IRAG2: variants seen among roughly 807,000 people sequenced by gnomAD.
IRAG2 encodes the protein lymphoid restricted membrane protein.
Under a neutral mutation model 69.9 loss-of-function variants are expected in IRAG2, and 45 were observed. That is an observed-to-expected ratio of 0.64 (90% CI 0.51 to 0.83). The LOEUF (loss-of-function observed/expected upper bound fraction) is 0.83. IRAG2 is among the 40% of genes least tolerant of loss of function. The probability of loss-of-function intolerance (pLI) is 0.00; values close to 1 mark genes in which losing one functional copy is unlikely to be tolerated. For missense variants in IRAG2, 520 were observed against 587.0 expected (o/e 0.89, Z 1.18); for synonymous variants, 193 against 202.4 (o/e 0.95, Z 0.40).
intron 14 of IRAG2, among the ~76,000 whole-genome samples, chr12:25,036,098 C>A (rs1944700083): frequency 1.3e-5 from 2 of 152,082 alleles, no homozygotes; most frequent in South Asian, 2.1e-4. Context: ...TTTAAATTTT[C>A]TTCTGGTTAA....
intron 7 of IRAG2, among the ~76,000 whole-genome samples, chr12:25,023,083 A>G (rs1944594834): frequency 6.7e-6 from 1 of 150,368 alleles, no homozygotes. Flanking sequence ...CCGAGATCGC[A>G]CTATTGTACC....
intron 9 of IRAG2, among the ~76,000 whole-genome samples, chr12:25,082,034 A>T (rs758963948): frequency 3.3e-5 from 5 of 152,118 alleles, no homozygotes; most frequent in Non-Finnish European, 5.9e-5. Context: ...AGTTGGGACT[A>T]CGGGTGCAAG....
At position 25,061,622 on chromosome 12, in the gene IRAG2, T is replaced by C. The variant is rs1379744838; in HGVS notation, c.-416T>C. 15 of 398,602 alleles carry C rather than the reference T, an allele frequency of 3.8e-5. No individual in the cohort carries two copies. The highest frequency in any genetic ancestry group is 6.2e-5 in the Non-Finnish European group (14 of 226,038). 24.7% of individuals were successfully genotyped at this position (398,602 alleles called of 1,614,324 possible). A position where few individuals can be genotyped will look rare whatever the true frequency, so the allele number is the denominator to read the frequency against. ...ATTGAGTCACTTCAAAAGGAGTTCA[T>C]TGAAGGGGAACACCATGGCTTGCTG... is the stretch of plus-strand genomic sequence containing the variant. On this transcript the variant is annotated 5_prime_UTR_variant, in exon 2 of 22. Transcript: ENST00000556887.
chr12:25,013,405 G>T (rs1483913892), intron 3 of IRAG2, among the ~76,000 whole-genome samples: 2 of 152,178 alleles, frequency 1.3e-5, no homozygotes, highest in Admixed American at 1.3e-4. Flanking sequence ...TTGAGCCCAG[G>T]AGTTTGAGGC....
At chr12:25,054,800 A>T (rs570342075) in intron 1 of IRAG2, among the ~76,000 whole-genome samples, 1 of 152,214 alleles carries the variant, frequency 6.6e-6, no homozygotes, top group South Asian at 2.1e-4. Context: ...CTTTCTAACA[A>T]TGCCCTTTAA....
chr12:25,060,964 G>C (rs887813639), intron 1 of IRAG2, among the ~76,000 whole-genome samples: 15 of 151,934 alleles, frequency 9.9e-5, no homozygotes, highest in African/African-American at 3.6e-4. Flanking sequence ...CACTGCACCA[G>C]GCCTAAGATG....
chr12:25,028,172 G>A (rs1368617898), intron 9 of IRAG2, among the ~76,000 whole-genome samples: 4 of 152,090 alleles, frequency 2.6e-5, no homozygotes, highest in South Asian at 2.1e-4. Context: ...TGATCTGCCC[G>A]CCTCAGCCTC....
chr12:25,089,614 ACT>A lies in IRAG2; in HGVS notation c.377_378del (p.Ser126CysfsTer14). Reference sequence around the variant, plus strand: ...ATAATATTTTATTATATTTTAATAGACTCTGTGGTTTCCCCTCTTCCTGTAAC... The same window carrying A: ...ATAATATTTTATTATATTTTAATAGACTGTGGTTTCCCCTCTTCCTGTAAC... On this transcript the variant is annotated frameshift_variant and splice_region_variant, in exon 12 of 22. Transcript: ENST00000556887. LOFTEE classifies it high-confidence loss of function. 6.4e-7 allele frequency: 1 copy of A among 1,570,736 alleles called. No homozygotes were observed. The highest frequency in any genetic ancestry group is 2.2e-5 in the East Asian group (1 of 44,602).
At chr12:25,025,464 A>AG (rs1565528866) in intron 8 of IRAG2, among the ~76,000 whole-genome samples, 1 of 152,252 alleles carries the variant, frequency 6.6e-6, no homozygotes. Flanking sequence ...TCCAGACACA[A>AG]GGGGCTTACA....
chr12:25,021,282 A>G (rs1363953506), intron 7 of IRAG2, among the ~76,000 whole-genome samples: 5 of 151,068 alleles, frequency 3.3e-5, no homozygotes, highest in Admixed American at 2.6e-4. Flanking sequence ...CTTTTCAATC[A>G]AGATTTAAAT....
At chr12:25,045,404 A>T (rs1944785085) in intron 16 of IRAG2, among the ~76,000 whole-genome samples, 1 of 152,098 alleles carries the variant, frequency 6.6e-6, no homozygotes, top group Admixed American at 6.5e-5. Context: ...TAAAAATTAG[A>T]GCAAAAAGTT....
At chr12:25,022,793 T>C (rs1387863559) in intron 7 of IRAG2, among the ~76,000 whole-genome samples, 1 of 152,244 alleles carries the variant, frequency 6.6e-6, no homozygotes, top group Non-Finnish European at 1.5e-5. Flanking sequence ...TTATACATGG[T>C]AAAAGCACAT....
chr12:25,021,101 TTTTC>T, intron 7 of IRAG2: 7 of 330,302 alleles, frequency 2.1e-5, no homozygotes, highest in Middle Eastern at 7.9e-4. Flanking sequence ...CTTTTTTTTT[TTTTC>T]TTTTTTTCTT....
chr12:25,047,925 C>T (rs1003948954), upstream of IRAG2, among the ~76,000 whole-genome samples: 16 of 152,178 alleles, frequency 1.1e-4, no homozygotes, highest in Non-Finnish European at 2.2e-4. Context: ...TGAACATACG[C>T]TTGCATGTAT....
At position 25,077,266 on chromosome 12, in the gene IRAG2, A is replaced by AATATATATGATAT. The variant is rs1565562770; in HGVS notation, c.25-1968_25-1967insTATATATATATGA. Among the ~76,000 whole-genome samples, 2 of 32,866 alleles carry AATATATATGATAT rather than the reference A, an allele frequency of 6.1e-5. 1 individual carries two copies. The highest frequency in any genetic ancestry group is 2.0e-4 in the African/African-American group (2 of 10,076). The allele number at this position is 32,866 out of a possible 152,430, so 21.6% of individuals were successfully genotyped here. A position where few individuals can be genotyped will look rare whatever the true frequency, so the allele number is the denominator to read the frequency against. Reference sequence around the variant, plus strand: ...AAATATATATATGATATATATATGAAATATATATGAAATATATATGATATA... The same window carrying AATATATATGATAT: ...AAATATATATATGATATATATATGAAATATATATGATATATATATATGAAATATATATGATATA... On this transcript the variant is annotated intron_variant, in intron 6 of 21. Transcript: ENST00000556887.
At chr12:25,004,585 G>A in exon 1 of IRAG2, 1 of 1,232,098 alleles carries the variant, frequency 8.1e-7, no homozygotes, top group Non-Finnish European at 1.0e-6. Context: ...TTCTGAGGAA[G>A]TCGATGCCTT....
chr12:25,050,422 G>A (rs550632896), upstream of IRAG2, among the ~76,000 whole-genome samples: 31 of 151,916 alleles, frequency 2.0e-4, no homozygotes, highest in Admixed American at 1.7e-3. Context: ...CCAGCTACCC[G>A]GGAGGCTGAG....
At chr12:25,038,153 A>C (rs561302945) in intron 16 of IRAG2, 1 of 398,750 alleles carries the variant, frequency 2.5e-6, no homozygotes. Context: ...GATCATTTAT[A>C]TATAAGAAAT....
chr12:25,108,014 T>C lies in IRAG2; in HGVS notation c.1454T>C (p.Leu485Ser), dbSNP rs773812100. The C allele has an allele frequency of 2.5e-6, 4 of 1,614,026 alleles. No individual in the cohort carries two copies. Among genetic ancestry groups the C allele is most frequent in the Non-Finnish European group, 3.4e-6 (4 of 1,179,900 alleles). ...TCATGGACGTCTCTAGAACATATCT[T>C]GTGGCCATTTACCAGACTCCGACAC... ...EDSWTSLEHILWPFTRLRHNG... is the reference protein window; with the variant it reads ...EDSWTSLEHISWPFTRLRHNG... Residue 485 changes from leucine to serine, a missense_variant, in exon 22 of 22, where the codon TTG becomes TCG. Physicochemically the swap from Leu to Ser is moderately radical, Grantham distance 145 (BLOSUM62 -2). Transcript: ENST00000556887.
Sources: gnomAD v4.1 joint callset for allele counts (sites outside exome capture counted in the v4.1 genomes callset) on GRCh38, gnomAD v4.1.1 for gene constraint, MANE v1.5 for transcripts, NCBI Gene and HGNC (gene_info 2026-07-23, HGNC 2026-07-21) for gene names.